Variants in TRNAU1AP observed in about 807,000 individuals in gnomAD.
The protein encoded by TRNAU1AP is tRNA selenocysteine 1-associated protein 1.
A neutral mutation model predicts 43.3 loss-of-function variants in TRNAU1AP; 33 were observed. The observed-to-expected ratio is 0.76, with a 90% confidence interval of 0.58 to 1.02. The LOEUF is 1.02. TRNAU1AP is among the 50% of genes least tolerant of loss of function. TRNAU1AP has a pLI of 0.00. For missense variants in TRNAU1AP, 290 were observed against 362.7 expected (o/e 0.80, Z 1.63); for synonymous variants, 143 against 129.1 (o/e 1.11, Z -0.73).
At chr1:28,572,040 A>G in intron 8 of TRNAU1AP, 140 bp downstream of exon 8, 1 of 776,832 alleles carries the variant, frequency 1.3e-6, no homozygotes, top group Non-Finnish European at 2.3e-6. Context: ...CCAGACAAAT[A>G]TGTAATTATG....
rs373849548 is a variant in TRNAU1AP at position 28,564,724 on chromosome 1, G to A, written c.300G>A (p.Val100=). 1 of 1,613,978 alleles carries A rather than the reference G, an allele frequency of 6.2e-7. No individual in the cohort carries two copies. Among genetic ancestry groups the A allele is most frequent in the Non-Finnish European group, 8.5e-7 (1 of 1,179,964 alleles). The change falls in exon 5 of 9, where the codon GTG becomes GTA. Residue 100 remains valine, a synonymous_variant. Coordinates refer to ENST00000373830, the MANE Select transcript of TRNAU1AP (RefSeq NM_017846.5). The part of the protein sequence containing the change: ...PDNSPEYSLF[V]GDLTPDVDDG... ...TCAGCCCTGAGTATTCCCTCTTTGT[G>A]GGGGACCTGACCCCGGACGTGGATG...
At chr1:28,563,118 A>G (rs1030691867) in intron 4 of TRNAU1AP, among the ~76,000 whole-genome samples, 5 of 135,446 alleles carry the variant, frequency 3.7e-5, no homozygotes, top group Non-Finnish European at 8.0e-5. Flanking sequence ...CTGGTTTTGA[A>G]CTCTTGACCT....
chr1:28,563,544 C>T (rs7530139), intron 4 of TRNAU1AP, among the ~76,000 whole-genome samples: 14,035 of 152,040 alleles, frequency 0.092, 1,405 homozygotes, highest in African/African-American at 0.25. Context: ...ATTAGTTGGG[C>T]GTAGTGGCGG....
chr1:28,561,643 G>A (rs921096588), intron 4 of TRNAU1AP, among the ~76,000 whole-genome samples: 9 of 152,160 alleles, frequency 5.9e-5, no homozygotes, highest in Non-Finnish European at 1.2e-4. Flanking sequence ...TATTCAATAA[G>A]AATTGCCTTG....
At chr1:28,561,422 C>T in intron 4 of TRNAU1AP, 24 bp downstream of exon 4, 1 of 1,613,566 alleles carries the variant, frequency 6.2e-7, no homozygotes, top group Non-Finnish European at 8.5e-7. Context: ...CATGTCTAGA[C>T]AGACATAAGA....
chr1:28,574,611 C>T (rs1570260169), intron 8 of TRNAU1AP: 1 of 152,054 alleles, frequency 6.6e-6, no homozygotes, highest in African/African-American at 2.4e-5. Context: ...ACCATGTTGC[C>T]CAGGCTGGTC....
Position 28,556,972 on chromosome 1 carries a change from C to T in TRNAU1AP, c.125+3235C>T, listed in dbSNP as rs1011952590. ...GATTACAGGCGTGAGCCACTGCGCC[C>T]GGCCTAATTTTTTCTATTTTTAGTA... On this transcript the variant is annotated intron_variant, in intron 2 of 8. Coordinates refer to ENST00000373830, the MANE Select transcript of TRNAU1AP (RefSeq NM_017846.5). Among the ~76,000 whole-genome samples the T allele has an allele frequency of 8.7e-5, 13 of 150,068 alleles. 1 individual carries two copies. The highest frequency in any genetic ancestry group is 4.0e-4 in the East Asian group (2 of 5,034).
intron 8 of TRNAU1AP, among the ~76,000 whole-genome samples, chr1:28,572,807 C>T (rs1168741015): frequency 3.3e-5 from 5 of 151,048 alleles, no homozygotes; most frequent in Admixed American, 1.3e-4. Context: ...TGGTGATGGG[C>T]GCCTGTAGTC....
intron 3 of TRNAU1AP, 114 bp downstream of exon 3, chr1:28,560,846 G>C (rs886932630): frequency 1.0e-6 from 1 of 971,232 alleles, no homozygotes; most frequent in Non-Finnish European, 1.5e-6. Flanking sequence ...ACCCTTTACA[G>C]TAGGCATTGT....
chr1:28,560,556 G>C, intron 2 of TRNAU1AP, 77 bp from the exon 3 acceptor site: 1 of 1,209,950 alleles, frequency 8.3e-7, no homozygotes, highest in Non-Finnish European at 1.2e-6. Flanking sequence ...GATTATATGC[G>C]TGAGCCATCA....
intron 6 of TRNAU1AP, 152 bp downstream of exon 6, chr1:28,567,565 C>A (rs1665569676): frequency 2.2e-6 from 2 of 925,222 alleles, no homozygotes; most frequent in African/African-American, 3.4e-5. Context: ...GTTTGCCAGG[C>A]TGTGGGTGCT....
Position 28,577,532 on chromosome 1 carries a change from A to C in TRNAU1AP, c.760A>C (p.Asn254His). 1 of 1,614,084 alleles carries C rather than the reference A, an allele frequency of 6.2e-7. No homozygotes were observed. The highest frequency in any genetic ancestry group is 8.5e-7 in the Non-Finnish European group (1 of 1,180,000). Reference protein sequence around the residue: ...PMPQLDVTEANKEFMEQSEEL... With the variant: ...PMPQLDVTEAHKEFMEQSEEL... ...GCCACAGCTGGATGTGACTGAGGCC[A>C]ACAAGGAGTTCATGGAACAGAGTGA... Residue 254 changes from asparagine (N) to histidine (H), a missense_variant, in exon 9 of 9, where the codon AAC (asparagine) becomes CAC (histidine). Transcript: ENST00000373830.
At chr1:28,567,513 T>G (rs2124205957) in intron 6 of TRNAU1AP, 100 bp downstream of exon 6, 1 of 1,375,728 alleles carries the variant, frequency 7.3e-7, no homozygotes, top group Non-Finnish European at 9.7e-7. Context: ...GATGGGAGGC[T>G]GAAGGGGATC....
At chr1:28,565,888 G>C (rs1280390123) in intron 5 of TRNAU1AP, 1 of 152,208 alleles carries the variant, frequency 6.6e-6, no homozygotes, top group Non-Finnish European at 1.5e-5. Context: ...AGTGCAACAG[G>C]TGTGGCTTTG....
At chr1:28,566,314 CA>C (rs58656186) in intron 5 of TRNAU1AP, among the ~76,000 whole-genome samples, 36,277 of 105,412 alleles carry the variant, frequency 0.34, 4,975 homozygotes, top group African/African-American at 0.43. Context: ...GACTCCATCT[CA>C]AAAAAAAAAA....
intron 5 of TRNAU1AP, among the ~76,000 whole-genome samples, chr1:28,566,121 C>G (rs891730717): frequency 6.6e-6 from 1 of 151,200 alleles, no homozygotes; most frequent in Non-Finnish European, 1.5e-5. Flanking sequence ...TCAAGACTAG[C>G]CTGGCCAACA....
intron 5 of TRNAU1AP, among the ~76,000 whole-genome samples, chr1:28,566,322 A>T (rs1459007905): frequency 2.6e-5 from 4 of 151,118 alleles, no homozygotes; most frequent in Non-Finnish European, 1.5e-5. Flanking sequence ...CTCAAAAAAA[A>T]AAAAAAAAAG....
chr1:28,577,488 C>G lies in TRNAU1AP; in HGVS notation c.728-12C>G. On this transcript the variant is annotated splice_polypyrimidine_tract_variant and intron_variant, in intron 8 of 8. Coordinates refer to ENST00000373830, the MANE Select transcript of TRNAU1AP (RefSeq NM_017846.5). The stretch of plus-strand genomic sequence containing the variant: ...CTAGACTTCCCTGACCCCATCCTTG[C>G]TTGCTTTCCAGACCCCATGCCACAG... 6.2e-7 allele frequency: 1 copy of G among 1,613,120 alleles called. No individual in the cohort carries two copies. The highest frequency in any genetic ancestry group is 2.2e-5 in the East Asian group (1 of 44,874).
chr1:28,570,467 G>A (rs1397643623), intron 6 of TRNAU1AP, among the ~76,000 whole-genome samples: 2 of 151,742 alleles, frequency 1.3e-5, no homozygotes, highest in South Asian at 4.2e-4. Context: ...GGCTAGTCTT[G>A]GAACTCCTGA....
Sources: allele counts gnomAD v4.1 joint callset (sites outside exome capture counted in the v4.1 genomes callset), GRCh38; gene constraint gnomAD v4.1.1; transcripts MANE v1.5; gene names NCBI Gene and HGNC (gene_info 2026-07-23, HGNC 2026-07-21).